The following CACNA2D3 variants were observed in gnomAD, a reference collection of about 807,000 sequenced individuals.
CACNA2D3 encodes the protein calcium voltage-gated channel auxiliary subunit alpha2delta 3.
CACNA2D3 carries 60 observed loss-of-function variants against 160.6 expected under a neutral mutation model. The ratio of observed to expected loss-of-function variants is 0.37; its 90% CI spans 0.30 to 0.46. The LOEUF is 0.46. Among genes scored for constraint, CACNA2D3 ranks in the 20% least tolerant of loss-of-function variants. The probability of loss-of-function intolerance (pLI) is 1.00; values close to 1 mark genes in which losing one functional copy is unlikely to be tolerated. For synonymous variants in CACNA2D3, 558 were observed against 492.9 expected (o/e 1.13, Z -1.75); for missense variants, 1,205 against 1,365.0 (o/e 0.88, Z 1.85).
At chr3:54,691,836 G>A (rs1700577410) in intron 11 of CACNA2D3, among the ~76,000 whole-genome samples, 1 of 152,096 alleles carries the variant, frequency 6.6e-6, no homozygotes, top group South Asian at 2.1e-4. Flanking sequence ...TCAGCTTCAG[G>A]AAATTAAAGA....
At chr3:54,700,947 C>T (rs1700757418) in intron 11 of CACNA2D3, among the ~76,000 whole-genome samples, 1 of 152,226 alleles carries the variant, frequency 6.6e-6, no homozygotes, top group Admixed American at 6.5e-5. Flanking sequence ...AACCACCTCC[C>T]TCTGAGAGTC....
At chr3:55,040,466 A>AG (rs112195276) in intron 35 of CACNA2D3, among the ~76,000 whole-genome samples, 1 of 152,166 alleles carries the variant, frequency 6.6e-6, no homozygotes, top group African/African-American at 2.4e-5. Context: ...AATTCTTTGT[A>AG]GTTTTTTTAT....
intron 11 of CACNA2D3, among the ~76,000 whole-genome samples, chr3:54,647,566 A>G (rs2106857610): frequency 6.6e-6 from 1 of 152,258 alleles, no homozygotes; most frequent in Non-Finnish European, 1.5e-5. Context: ...CACTGTCCTC[A>G]GTACAGTAGC....
At chr3:54,561,448 A>G (rs1559513066) in intron 5 of CACNA2D3, among the ~76,000 whole-genome samples, 1 of 152,146 alleles carries the variant, frequency 6.6e-6, no homozygotes, top group Non-Finnish European at 1.5e-5. Context: ...CTTTGCTGAA[A>G]TCGTTTATGA....
intron 4 of CACNA2D3, among the ~76,000 whole-genome samples, chr3:54,437,856 A>G (rs1156863058): frequency 6.6e-6 from 1 of 152,226 alleles, no homozygotes; most frequent in East Asian, 1.9e-4. Context: ...GTCAGGTAAC[A>G]AGGAAGACAG....
intron 12 of CACNA2D3, among the ~76,000 whole-genome samples, chr3:54,763,760 C>T (rs796169321): frequency 0.042 from 638 of 15,158 alleles, 95 homozygotes; most frequent in Non-Finnish European, 0.083. Context: ...TATATATACA[C>T]ATATATATGT....
chr3:54,163,515 A>G (rs567685286), intron 2 of CACNA2D3, among the ~76,000 whole-genome samples: 1 of 152,302 alleles, frequency 6.6e-6, no homozygotes, highest in Admixed American at 6.5e-5. Context: ...TTTGAAGTGC[A>G]TGTTTCACTT....
intron 35 of CACNA2D3, among the ~76,000 whole-genome samples, chr3:55,030,942 G>A (rs1703675418): frequency 6.6e-6 from 1 of 152,078 alleles, no homozygotes; most frequent in Admixed American, 6.6e-5. Context: ...TAATGACTAG[G>A]CAGGTTTCTA....
chr3:54,630,417 A>G (rs1277754564), intron 10 of CACNA2D3, among the ~76,000 whole-genome samples: 2 of 152,054 alleles, frequency 1.3e-5, no homozygotes, highest in Non-Finnish European at 2.9e-5. Flanking sequence ...TTCCCATAGC[A>G]TGCGCAGTTT....
chr3:54,171,342 G>C (rs549771610), intron 2 of CACNA2D3, among the ~76,000 whole-genome samples: 1 of 151,748 alleles, frequency 6.6e-6, no homozygotes, highest in East Asian at 1.9e-4. Flanking sequence ...TGCAGTCTTC[G>C]TGGTTGTAGT....
chr3:54,246,759 A>G (rs529544910), intron 2 of CACNA2D3, among the ~76,000 whole-genome samples: 1 of 152,226 alleles, frequency 6.6e-6, no homozygotes, highest in East Asian at 1.9e-4. Flanking sequence ...ATATCTCAGC[A>G]TCTCAGAAAG....
chr3:54,591,089 C>T (rs370078985), intron 9 of CACNA2D3, among the ~76,000 whole-genome samples: 4 of 152,016 alleles, frequency 2.6e-5, no homozygotes, highest in East Asian at 1.9e-4. Flanking sequence ...CCATTTTTAC[C>T]ATAAATTCAG....
intron 3 of CACNA2D3, among the ~76,000 whole-genome samples, chr3:54,359,867 A>G (rs1321916523): frequency 1.3e-5 from 2 of 152,194 alleles, no homozygotes; most frequent in Non-Finnish European, 2.9e-5. Flanking sequence ...GCACTTCTCC[A>G]CTTCATGGGG....
At chr3:54,246,899 G>A (rs1702092158) in intron 2 of CACNA2D3, among the ~76,000 whole-genome samples, 1 of 152,202 alleles carries the variant, frequency 6.6e-6, no homozygotes, top group African/African-American at 2.4e-5. Context: ...ACAACAAGGT[G>A]TATAAAGGAT....
At chr3:54,468,495 A>T (rs887804721) in intron 4 of CACNA2D3, among the ~76,000 whole-genome samples, 6 of 152,120 alleles carry the variant, frequency 3.9e-5, no homozygotes, top group African/African-American at 1.4e-4. Context: ...CAAGCACAAA[A>T]TGGGGCAGCC....
intron 2 of CACNA2D3, among the ~76,000 whole-genome samples, chr3:54,183,892 G>GAAAAAAAAAAAAAA (rs58956795): frequency 3.7e-5 from 3 of 80,754 alleles, no homozygotes; most frequent in Non-Finnish European, 6.4e-5. Context: ...TCTCAAAAAA[G>GAAAAAAAAAAAAAA]AAAAAAAAAA....
intron 31 of CACNA2D3, among the ~76,000 whole-genome samples, chr3:55,000,264 C>G (rs564176888): frequency 2.0e-4 from 31 of 152,144 alleles, no homozygotes; most frequent in Non-Finnish European, 3.8e-4. Context: ...AACAAAGTCA[C>G]TTCAAAAAGG....
At chr3:54,811,585 C>T (rs13084711) in intron 13 of CACNA2D3, among the ~76,000 whole-genome samples, 16,507 of 149,274 alleles carry the variant, frequency 0.11, 970 homozygotes, top group South Asian at 0.2. Context: ...GCAACCTCCG[C>T]CTCCCAGGTA....
intron 13 of CACNA2D3, among the ~76,000 whole-genome samples, chr3:54,805,024 C>T (rs1368432572): frequency 6.6e-6 from 1 of 152,120 alleles, no homozygotes; most frequent in Non-Finnish European, 1.5e-5. Flanking sequence ...ACACAACATA[C>T]CAGAATCTGT....
Sources: allele counts gnomAD v4.1 joint callset (sites outside exome capture counted in the v4.1 genomes callset), GRCh38; gene constraint gnomAD v4.1.1; transcripts MANE v1.5; gene names NCBI Gene and HGNC (gene_info 2026-07-23, HGNC 2026-07-21).